The following NUCB2 variants were observed in gnomAD, a reference collection of about 807,000 sequenced individuals.
NUCB2 encodes nucleobindin-2.
In NUCB2, 48 loss-of-function variants were observed where a neutral mutation model predicts 57.9. The ratio of observed to expected loss-of-function variants is 0.83; its 90% confidence interval spans 0.66 to 1.05. NUCB2 has a LOEUF of 1.05. Ranked by LOEUF, NUCB2 falls within the 50% of genes least tolerant of loss-of-function variation. The probability of loss-of-function intolerance (pLI) is 0.00; values close to 1 mark genes in which losing one functional copy is unlikely to be tolerated. For missense variants in NUCB2, 442 were observed against 476.2 expected, an observed-to-expected ratio of 0.93 and a Z score of 0.67; for synonymous variants, 139 against 152.1, an observed-to-expected ratio of 0.91 and a Z score of 0.64.
Position 17,309,689 on chromosome 11 carries a change from C to G in NUCB2, c.483+14C>G. ...CTAATCAAAGCGGTGAGAATAATTCCAAAAAGTTTTGTCTTTATTGTGCCT... is the reference window on the plus strand; with the variant it reads ...CTAATCAAAGCGGTGAGAATAATTCGAAAAAGTTTTGTCTTTATTGTGCCT... On this transcript the variant is annotated intron_variant, in intron 6 of 13. Coordinates refer to ENST00000529010, the MANE Select transcript of NUCB2 (RefSeq NM_005013.4). 6.5e-7 allele frequency: 1 copy of G among 1,538,348 alleles called. No homozygotes were observed. The highest frequency in any genetic ancestry group is 8.8e-7 in the Non-Finnish European group (1 of 1,135,260).
At position 17,298,128 on chromosome 11, in the gene NUCB2, G is replaced by A. The variant is rs550975368; in HGVS notation, c.252+1917G>A. 8.2e-4 allele frequency among the ~76,000 whole-genome samples: 123 copies of A among 150,190 alleles called. 1 individual carries two copies. In the South Asian group the frequency reaches 0.015, roughly 18 times the overall value. ...GGGGGGCCGGGGCAGTAGTTCACAC[G>A]TGTAACTTTGGGAGACTAAAGCAAG... On this transcript the variant is annotated intron_variant, in intron 4 of 13. Coordinates refer to ENST00000529010, the MANE Select transcript of NUCB2 (RefSeq NM_005013.4).
At chr11:17,281,893 A>C (rs972247209) in intron 1 of NUCB2, among the ~76,000 whole-genome samples, 7 of 151,922 alleles carry the variant, frequency 4.6e-5, no homozygotes, top group African/African-American at 1.7e-4. Context: ...ATAACTGCTT[A>C]TGTTTACTAA....
chr11:17,327,263 G>A (rs1333912020), intron 11 of NUCB2, among the ~76,000 whole-genome samples: 2 of 152,062 alleles, frequency 1.3e-5, no homozygotes, highest in Non-Finnish European at 2.9e-5. Context: ...GTTTTTCCAC[G>A]TTGGCCAGGC....
intron 2 of NUCB2, among the ~76,000 whole-genome samples, chr11:17,283,887 C>G (rs990925465): frequency 6.6e-6 from 1 of 152,192 alleles, no homozygotes; most frequent in African/African-American, 2.4e-5. Flanking sequence ...ACTTGCCTTC[C>G]TTGCTAGCTA....
rs371273140 is a variant in NUCB2 at position 17,310,909 on chromosome 11, G to C, written c.568G>C (p.Glu190Gln). Residue 190 changes from glutamate (E) to glutamine (Q), a missense_variant, in exon 7 of 14, where the codon GAA becomes CAA. Glu to Gln is a conservative substitution (Grantham distance 29). Transcript: ENST00000529010. The stretch of plus-strand genomic sequence containing the variant: ...AATGATGAAGGAACATGAAAGGAGA[G>C]AATATTTAAAAACATTGAATGAAGA... ...YEMMKEHERR[E>Q]YLKTLNEEKR... 12 of 1,591,082 alleles carry C rather than the reference G, an allele frequency of 7.5e-6. No homozygotes were observed. Among genetic ancestry groups the C allele is most frequent in the Non-Finnish European group, 9.4e-6 (11 of 1,171,412 alleles).
chr11:17,295,217 A>G (rs1228962217), intron 2 of NUCB2, 107 bp from the exon 3 acceptor site: 1 of 1,015,844 alleles, frequency 9.8e-7, no homozygotes, highest in Non-Finnish European at 1.4e-6. Flanking sequence ...TTTTTGTTTT[A>G]TTAAACCTCT....
At chr11:17,346,902 T>G (rs942287630) in intron 2 of NUCB2, among the ~76,000 whole-genome samples, 18 of 152,162 alleles carry the variant, frequency 1.2e-4, no homozygotes, top group African/African-American at 4.3e-4. Flanking sequence ...TTTGTTATTT[T>G]GAAAAAAAAT....
chr11:17,277,322 TAA>T (rs1295110683), intron 1 of NUCB2, among the ~76,000 whole-genome samples: 1 of 152,196 alleles, frequency 6.6e-6, no homozygotes, highest in Non-Finnish European at 1.5e-5. Context: ...GCTTTTCACT[TAA>T]GTGACAAATT....
intron 4 of NUCB2, among the ~76,000 whole-genome samples, chr11:17,301,077 A>G (rs1182095632): frequency 1.3e-5 from 2 of 149,606 alleles, no homozygotes; most frequent in African/African-American, 4.9e-5. Flanking sequence ...GGTTCAAGCA[A>G]TTCTCCTGCC....
Position 17,307,802 on chromosome 11 carries a change from T to TTA in NUCB2, c.380-1758_380-1757dup, listed in dbSNP as rs554469932. 2.5e-3 allele frequency among the ~76,000 whole-genome samples: 373 copies of TTA among 151,946 alleles called. 3 individuals are homozygous for TTA. The highest frequency in any genetic ancestry group is 0.014 in the Middle Eastern group (4 of 294). On this transcript the variant is annotated intron_variant, in intron 5 of 13. Coordinates refer to ENST00000529010, the MANE Select transcript of NUCB2 (RefSeq NM_005013.4). Reference sequence around the variant, plus strand: ...CCCACAGTGGAATTGCCAAATCAAATTATATATATATATTTGTAATTTTGA... The same window carrying TTA: ...CCCACAGTGGAATTGCCAAATCAAATTATATATATATATATTTGTAATTTTGA...
At chr11:17,338,240 G>A (rs568943100) in intron 2 of NUCB2, among the ~76,000 whole-genome samples, 2 of 152,140 alleles carry the variant, frequency 1.3e-5, no homozygotes, top group South Asian at 2.1e-4. Flanking sequence ...ATCAAATTAT[G>A]TAGACAAACA....
chr11:17,320,253 C>G (rs1308145865), intron 11 of NUCB2, among the ~76,000 whole-genome samples: 1 of 152,230 alleles, frequency 6.6e-6, no homozygotes, highest in African/African-American at 2.4e-5. Flanking sequence ...ATATTTCATG[C>G]AAAACCTAAC....
intron 5 of NUCB2, among the ~76,000 whole-genome samples, chr11:17,307,182 G>T (rs1947797655): frequency 6.6e-6 from 1 of 152,082 alleles, no homozygotes; most frequent in Non-Finnish European, 1.5e-5. Flanking sequence ...GGGTTTACAG[G>T]CATGAGCCAC....
intron 11 of NUCB2, among the ~76,000 whole-genome samples, chr11:17,328,465 T>C (rs994452161): frequency 3.9e-5 from 6 of 152,136 alleles, no homozygotes; most frequent in Admixed American, 3.3e-4. Context: ...ACCCTAGCAA[T>C]TTACCTGATG....
intron 11 of NUCB2, among the ~76,000 whole-genome samples, chr11:17,324,499 T>C (rs1950415268): frequency 6.6e-6 from 1 of 152,166 alleles, no homozygotes; most frequent in African/African-American, 2.4e-5. Context: ...AGTGGCACTA[T>C]GTCAGCTCAC....
At position 17,321,202 on chromosome 11, in the gene NUCB2, A is replaced by ATT. The variant is rs138165152; in HGVS notation, c.1002+5739_1002+5740dup. Among the ~76,000 whole-genome samples, 333 of 144,016 alleles carry ATT rather than the reference A, an allele frequency of 2.3e-3. 3 individuals carry two copies. Among genetic ancestry groups the ATT allele is most frequent in the South Asian group, 0.014 (66 of 4,552 alleles). 94.5% of individuals were successfully genotyped at this position (144,016 alleles called of 152,430 possible). ...TGAAATACTGGGTTTTATTCATTCTATTTTTTTTTTTTTGGTACCCATTAA... is the reference window on the plus strand; with the variant it reads ...TGAAATACTGGGTTTTATTCATTCTATTTTTTTTTTTTTTTGGTACCCATTAA... On this transcript the variant is annotated intron_variant, in intron 11 of 13. Transcript: ENST00000529010.
At position 17,280,499 on chromosome 11, in the gene NUCB2, G is replaced by A. The variant is rs6486360; in HGVS notation, c.-155-2290G>A. Among the ~76,000 whole-genome samples the A allele has an allele frequency of 5.1e-3, 770 of 152,258 alleles. 5 individuals are homozygous for A. Among genetic ancestry groups the A allele is most frequent in the African/African-American group, 0.016 (668 of 41,550 alleles). ...GGTGCCATGGAGAAACTCAAAAGCC[G>A]TTTATTTTTCTTCACCCTACCCTGT... On this transcript the variant is annotated intron_variant, in intron 1 of 13. Transcript: ENST00000529010.
At chr11:17,280,028 A>T (rs911010294) in intron 1 of NUCB2, among the ~76,000 whole-genome samples, 1 of 152,114 alleles carries the variant, frequency 6.6e-6, no homozygotes, top group African/African-American at 2.4e-5. Flanking sequence ...TCTAGGCTCA[A>T]GCGATCTGCC....
intron 11 of NUCB2, among the ~76,000 whole-genome samples, chr11:17,324,087 T>C (rs2139295146): frequency 6.6e-6 from 1 of 152,320 alleles, no homozygotes; most frequent in African/African-American, 2.4e-5. Flanking sequence ...TTTTTTCATC[T>C]TCTACTAATT....
Sources: gnomAD v4.1 joint callset for allele counts (sites outside exome capture counted in the v4.1 genomes callset) on GRCh38, gnomAD v4.1.1 for gene constraint, MANE v1.5 for transcripts, NCBI Gene and HGNC (gene_info 2026-07-23, HGNC 2026-07-21) for gene names.